Variants in MMP26 observed in about 807,000 individuals in gnomAD.
MMP26 encodes the protein matrix metalloproteinase-26.
MMP26 carries 33 observed loss-of-function variants against 31.0 expected under a neutral mutation model. The ratio of observed to expected loss-of-function variants is 1.06; its 90% CI spans 0.81 to 1.42. The LOEUF (loss-of-function observed/expected upper bound fraction) is 1.42, where lower values mean the gene tolerates loss of function less well. Ranked by LOEUF, MMP26 falls within the 40% of genes most tolerant of loss-of-function variation. The pLI is 0.00. For missense variants in MMP26, 347 were observed against 316.1 expected (o/e 1.10, Z -0.74); for synonymous variants, 122 against 114.9 (o/e 1.06, Z -0.40).
intron 1 of MMP26, among the ~76,000 whole-genome samples, chr11:4,764,842 C>T (rs1022818435): frequency 1.3e-5 from 2 of 152,036 alleles, no homozygotes; most frequent in Non-Finnish European, 2.9e-5. Flanking sequence ...AGCGCCACTG[C>T]ACCCCAGCCT....
intron 1 of MMP26, among the ~76,000 whole-genome samples, chr11:4,740,881 G>A (rs762022959): frequency 7.9e-5 from 12 of 151,968 alleles, no homozygotes; most frequent in Non-Finnish European, 1.6e-4. Flanking sequence ...ATATTCCAGT[G>A]GCCTAAAAGC....
At chr11:4,834,108 G>A (rs1393767378) in intron 2 of MMP26, among the ~76,000 whole-genome samples, 1 of 152,122 alleles carries the variant, frequency 6.6e-6, no homozygotes, top group African/African-American at 2.4e-5. Context: ...ATTCTAGGGT[G>A]CATCAGAGCA....
At chr11:4,839,463 T>C (rs1325850649) in intron 2 of MMP26, among the ~76,000 whole-genome samples, 6 of 151,062 alleles carry the variant, frequency 4.0e-5, no homozygotes, top group Non-Finnish European at 8.8e-5. Flanking sequence ...GAGAGAAAAG[T>C]AGGAGGAGCT....
At chr11:4,737,127 T>C (rs1172865376) in intron 1 of MMP26, 1 of 152,238 alleles carries the variant, frequency 6.6e-6, no homozygotes, top group Non-Finnish European at 1.5e-5. Flanking sequence ...AATAATTCTG[T>C]TGCAATAAAT....
chr11:4,978,625 T>TA (rs1243019337), intron 2 of MMP26, among the ~76,000 whole-genome samples: 1 of 152,044 alleles, frequency 6.6e-6, no homozygotes, highest in Non-Finnish European at 1.5e-5. Flanking sequence ...TTCCTCATAT[T>TA]AAAAAAATTA....
intron 2 of MMP26, among the ~76,000 whole-genome samples, chr11:4,804,844 C>T (rs1292532936): frequency 6.6e-6 from 1 of 151,374 alleles, no homozygotes; most frequent in Non-Finnish European, 1.5e-5. Flanking sequence ...GTAGAGCACG[C>T]CTATAGTCCC....
intron 2 of MMP26, among the ~76,000 whole-genome samples, chr11:4,814,063 G>A (rs1849388078): frequency 6.6e-6 from 1 of 152,090 alleles, no homozygotes; most frequent in Non-Finnish European, 1.5e-5. Flanking sequence ...TATTCATTAG[G>A]TAAATGAAAG....
intron 2 of MMP26, among the ~76,000 whole-genome samples, chr11:4,887,723 G>C (rs1167344524): frequency 4.0e-5 from 6 of 151,598 alleles, no homozygotes; most frequent in African/African-American, 1.5e-4. Context: ...AAATGTGTTA[G>C]TTAGACTACT....
At chr11:4,986,622 C>G (rs1846894056) in intron 2 of MMP26, among the ~76,000 whole-genome samples, 1 of 140,246 alleles carries the variant, frequency 7.1e-6, no homozygotes, top group African/African-American at 2.6e-5. Context: ...CCTCCGCCTT[C>G]TGGGTTCAAG....
chr11:4,977,088 A>G (rs1846748033), intron 2 of MMP26, among the ~76,000 whole-genome samples: 1 of 151,322 alleles, frequency 6.6e-6, no homozygotes, highest in African/African-American at 2.5e-5. Flanking sequence ...AGTACTTCCT[A>G]TATTAAATAA....
At chr11:4,945,584 T>C (rs1223090107) in intron 2 of MMP26, 1 of 154,942 alleles carries the variant, frequency 6.5e-6, no homozygotes, top group East Asian at 1.9e-4. Flanking sequence ...CAATATTTTA[T>C]GAGAGAAATG....
At chr11:4,783,986 A>G (rs1848901004) in intron 2 of MMP26, among the ~76,000 whole-genome samples, 2 of 152,166 alleles carry the variant, frequency 1.3e-5, no homozygotes, top group Non-Finnish European at 2.9e-5. Flanking sequence ...TTTATCAGAA[A>G]TGTGAAAATG....
Position 4,948,289 on chromosome 11 carries a change from CCA to C in MMP26, c.-144-39778_-144-39777del, listed in dbSNP as rs1430516062. Among the ~76,000 whole-genome samples the C allele has an allele frequency of 4.0e-5, 5 of 124,356 alleles. 1 individual carries two copies. The highest frequency in any genetic ancestry group is 1.4e-4 in the African/African-American group (5 of 36,684). 81.6% of individuals were successfully genotyped at this position (124,356 alleles called of 152,430 possible). A position where few individuals can be genotyped will look rare whatever the true frequency, so the allele number is the denominator to read the frequency against. On this transcript the variant is annotated intron_variant, in intron 2 of 7. Transcript: ENST00000380390. ...TTGTTTTACTTACTGAGTTCCATTACCAGATGATGATTTGGAATCTTGAAATT... is the reference window on the plus strand; with the variant it reads ...TTGTTTTACTTACTGAGTTCCATTACGATGATGATTTGGAATCTTGAAATT...
chr11:4,769,300 G>A (rs148379006), intron 2 of MMP26: 17 of 1,613,352 alleles, frequency 1.1e-5, no homozygotes, highest in Non-Finnish European at 1.2e-5. Context: ...CAGTGGTCAG[G>A]ATGAGATCAA....
intron 2 of MMP26, chr11:4,973,475 A>C (rs1277208022): frequency 6.6e-6 from 1 of 152,508 alleles, no homozygotes; most frequent in Non-Finnish European, 1.5e-5. Context: ...ACTGGTGAGG[A>C]TGGAAGTGTA....
chr11:4,981,257 T>TCA (rs1846809239), intron 2 of MMP26, among the ~76,000 whole-genome samples: 1 of 152,104 alleles, frequency 6.6e-6, no homozygotes, highest in East Asian at 1.9e-4. Flanking sequence ...TGTGTGTATG[T>TCA]CATACAACGC....
At chr11:4,919,507 A>G (rs12417099) in intron 2 of MMP26, among the ~76,000 whole-genome samples, 22,617 of 152,012 alleles carry the variant, frequency 0.15, 2,216 homozygotes, top group African/African-American at 0.27. Flanking sequence ...TAAGAGAAAA[A>G]GGGGCAAGGA....
chr11:4,942,743 C>T (rs1846232205), intron 2 of MMP26: 1 of 152,046 alleles, frequency 6.6e-6, no homozygotes, highest in South Asian at 2.1e-4. Flanking sequence ...GGCTTATCTA[C>T]ATGAAAAACA....
intron 2 of MMP26, among the ~76,000 whole-genome samples, chr11:4,825,445 G>C (rs1385182383): frequency 6.6e-6 from 1 of 152,022 alleles, no homozygotes; most frequent in Admixed American, 6.6e-5. Context: ...TGAGATAAAG[G>C]TTTCTGTCAG....
Sources: allele counts gnomAD v4.1 joint callset (sites outside exome capture counted in the v4.1 genomes callset), GRCh38; gene constraint gnomAD v4.1.1; transcripts MANE v1.5; gene names NCBI Gene and HGNC (gene_info 2026-07-23, HGNC 2026-07-21).